SHANK2: variants seen among roughly 807,000 people sequenced by gnomAD.
SHANK2 encodes SH3 and multiple ankyrin repeat domains 2, also known as SH3 and multiple ankyrin repeat domains protein 2.
Under a neutral mutation model 133.7 loss-of-function variants are expected in SHANK2, and 43 were observed. That is an observed-to-expected ratio of 0.32 (90% CI 0.25 to 0.41). The LOEUF (loss-of-function observed/expected upper bound fraction) is 0.41, where lower values mean the gene tolerates loss of function less well. Ranked by LOEUF, SHANK2 falls within the 10% of genes least tolerant of loss-of-function variation. SHANK2 has a pLI of 1.00. For missense variants in SHANK2, 1,994 were observed against 2,235.8 expected (o/e 0.89, Z 2.18); for synonymous variants, 1,017 against 952.8 (o/e 1.07, Z -1.24).
intron 2 of SHANK2, among the ~76,000 whole-genome samples, chr11:71,190,899 T>A (rs1169233142): frequency 1.4e-4 from 22 of 152,012 alleles, no homozygotes; most frequent in African/African-American, 5.3e-4. Flanking sequence ...ATGTGAGGTA[T>A]CTCTGGTGTG....
At chr11:71,248,397 G>A (rs1954990947) in intron 1 of SHANK2, among the ~76,000 whole-genome samples, 1 of 152,246 alleles carries the variant, frequency 6.6e-6, no homozygotes, top group South Asian at 2.1e-4. Flanking sequence ...CTGCCTGGCG[G>A]CTTTCTCCAG....
chr11:71,068,479 C>T lies in SHANK2; in HGVS notation c.1029+6680G>A, dbSNP rs931273394. ...GTTCCCCAGCAGCACAATGCAACAC[C>T]GCAACCATGACTGTGTATTTGGCGA... On this transcript the variant is annotated intron_variant, in intron 9 of 25. Transcript: ENST00000601538. Among the ~76,000 whole-genome samples, 760 of 152,328 alleles carry T rather than the reference C, an allele frequency of 5.0e-3. 1 individual carries two copies. Among genetic ancestry groups the T allele is most frequent in the African/African-American group, 0.017 (721 of 41,560 alleles).
rs1290992899 is a variant in SHANK2, at chr11:70,804,048, G to C, written c.1663+2954C>G. 6.6e-6 allele frequency among the ~76,000 whole-genome samples: 1 copy of C among 152,028 alleles called. No individual in the cohort carries two copies. The highest frequency in any genetic ancestry group is 2.4e-5 in the African/African-American group (1 of 41,422). ...ATCAGCAGGACCCCAGGGCCACCCT[G>C]GGGCCCGTCACAGCCACCCTGCCTG... is the stretch of plus-strand genomic sequence containing the variant. On this transcript the variant is annotated intron_variant, in intron 13 of 25. Transcript: ENST00000601538. The surrounding 1 kb of genome is among the most constrained non-coding windows in gnomAD (Gnocchi z 4.1).
chr11:71,155,376 C>CAGA (rs1555108925), intron 2 of SHANK2, among the ~76,000 whole-genome samples: 4 of 137,424 alleles, frequency 2.9e-5, no homozygotes, highest in African/African-American at 8.2e-5. Context: ...CCCACGCTCC[C>CAGA]AGAGGGGTGG....
chr11:71,140,270 G>A (rs1555105519), intron 3 of SHANK2, among the ~76,000 whole-genome samples: 1 of 152,226 alleles, frequency 6.6e-6, no homozygotes, highest in East Asian at 1.9e-4. Context: ...CACGAGTAGA[G>A]ACTAAACCCT....
intron 2 of SHANK2, among the ~76,000 whole-genome samples, chr11:71,181,112 C>T (rs887030238): frequency 3.3e-5 from 5 of 152,016 alleles, no homozygotes; most frequent in South Asian, 2.1e-4. Context: ...CAACTGCTGA[C>T]GAGGGGAGGT....
intron 2 of SHANK2, among the ~76,000 whole-genome samples, chr11:71,201,847 C>T (rs1306340933): frequency 6.6e-6 from 1 of 152,210 alleles, no homozygotes; most frequent in Non-Finnish European, 1.5e-5. Flanking sequence ...ACTCCAGTTC[C>T]TCCAGTCGCC....
intron 2 of SHANK2, among the ~76,000 whole-genome samples, chr11:71,224,238 G>A (rs569933495): frequency 2.3e-4 from 35 of 152,278 alleles, no homozygotes; most frequent in Non-Finnish European, 2.5e-4. Context: ...CAGAGGAGGC[G>A]CTCAAGAATA....
intron 14 of SHANK2, among the ~76,000 whole-genome samples, chr11:70,743,246 G>C (rs926600969): frequency 6.6e-6 from 1 of 152,118 alleles, no homozygotes; most frequent in Non-Finnish European, 1.5e-5. Context: ...GCACGTCTGC[G>C]TGCCCCCCCC....
At chr11:71,107,144 A>G (rs1476466485) in intron 6 of SHANK2, among the ~76,000 whole-genome samples, 1 of 152,120 alleles carries the variant, frequency 6.6e-6, no homozygotes, top group Non-Finnish European at 1.5e-5. Flanking sequence ...TGGAGGGGTA[A>G]TGATTTCTGT....
intron 11 of SHANK2, among the ~76,000 whole-genome samples, chr11:70,832,887 G>A (rs1555058973): frequency 6.6e-6 from 1 of 152,216 alleles, no homozygotes; most frequent in Non-Finnish European, 1.5e-5. Flanking sequence ...CGTCCTCACT[G>A]CATCTGCAGA....
At chr11:70,560,895 G>A (rs1481182913) in intron 17 of SHANK2, among the ~76,000 whole-genome samples, 3 of 151,442 alleles carry the variant, frequency 2.0e-5, no homozygotes, top group East Asian at 2.0e-4. Flanking sequence ...CCAAAGTGCC[G>A]GGATTACAGG....
At chr11:70,550,775 G>A (rs2059755144) in intron 17 of SHANK2, among the ~76,000 whole-genome samples, 1 of 152,236 alleles carries the variant, frequency 6.6e-6, no homozygotes, top group Non-Finnish European at 1.5e-5. Context: ...GGCTCTCCCA[G>A]GCAGTCAGCG....
intron 11 of SHANK2, among the ~76,000 whole-genome samples, chr11:70,836,409 C>T (rs966540471): frequency 2.0e-5 from 3 of 152,216 alleles, no homozygotes; most frequent in Non-Finnish European, 4.4e-5. Context: ...ATAACAGCAG[C>T]TGTCTTGAAG....
intron 9 of SHANK2, among the ~76,000 whole-genome samples, chr11:71,073,816 C>G (rs1019303717): frequency 6.6e-6 from 1 of 152,114 alleles, no homozygotes; most frequent in Non-Finnish European, 1.5e-5. Context: ...GGTGGGGGTA[C>G]CAGAACTATC....
intron 6 of SHANK2, among the ~76,000 whole-genome samples, chr11:71,100,496 A>C (rs555556279): frequency 6.6e-6 from 1 of 152,352 alleles, no homozygotes; most frequent in South Asian, 2.1e-4. Flanking sequence ...GCATATTGCT[A>C]AATGAATGAA....
At chr11:70,675,692 G>A (rs1944893014) in intron 15 of SHANK2, among the ~76,000 whole-genome samples, 1 of 152,210 alleles carries the variant, frequency 6.6e-6, no homozygotes. Context: ...GCTGCTGGGA[G>A]GGCACCCTGG....
intron 10 of SHANK2, chr11:70,951,220 G>C: frequency 2.9e-6 from 1 of 345,300 alleles, no homozygotes; most frequent in African/African-American, 2.5e-5. Context: ...CCTGGCTGCT[G>C]CACCGTGACG....
At chr11:71,144,200 G>C (rs537266083) in intron 3 of SHANK2, among the ~76,000 whole-genome samples, 1 of 131,842 alleles carries the variant, frequency 7.6e-6, no homozygotes, top group South Asian at 2.3e-4. Flanking sequence ...CTCAGGAGGT[G>C]GGGGAGGGAA....
Sources: allele counts gnomAD v4.1 joint callset (sites outside exome capture counted in the v4.1 genomes callset), GRCh38; gene constraint gnomAD v4.1.1; non-coding constraint Gnocchi (gnomAD v3.1); transcripts MANE v1.5; gene names NCBI Gene and HGNC (gene_info 2026-07-23, HGNC 2026-07-21).